Variants in WWC2 observed in about 807,000 individuals in gnomAD.
WWC2 encodes the protein WW and C2 domain containing 2.
Under a neutral mutation model 138.5 loss-of-function variants are expected in WWC2, and 101 were observed. The ratio of observed to expected loss-of-function variants is 0.73; its 90% CI spans 0.62 to 0.86. The LOEUF (loss-of-function observed/expected upper bound fraction) is 0.86. Ranked by LOEUF, WWC2 falls within the 40% of genes least tolerant of loss-of-function variation. The probability of loss-of-function intolerance (pLI) is 0.00; values close to 1 mark genes in which losing one functional copy is unlikely to be tolerated. For missense variants in WWC2, 1,420 were observed against 1,419.4 expected (o/e 1.00, Z -0.01); for synonymous variants, 558 against 538.4 (o/e 1.04, Z -0.50).
In WWC2 at chr4:183,320,506, G is replaced by A. The variant is rs1220592680; in HGVS notation, c.*4777G>A. 2.4e-6 allele frequency: 1 copy of A among 414,096 alleles called. No homozygotes were observed. The highest frequency in any genetic ancestry group is 4.2e-5 in the Admixed American group (1 of 24,002). The allele number at this position is 414,096 out of a possible 1,614,324, so 25.7% of individuals were successfully genotyped here. On this transcript the variant is annotated 3_prime_UTR_variant, in exon 23 of 23. Transcript: ENST00000403733. ...CAGTTTGTCACTGAAATATAATTAA[G>A]TGATAATCTCCTTTCATTGTCAAGG... is the stretch of plus-strand genomic sequence containing the variant.
At chr4:183,246,515 G>T (rs1203081256) in intron 6 of WWC2, among the ~76,000 whole-genome samples, 1 of 152,052 alleles carries the variant, frequency 6.6e-6, no homozygotes, top group East Asian at 1.9e-4. Flanking sequence ...AAATAATATA[G>T]AAAAGACAAA....
intron 10 of WWC2, among the ~76,000 whole-genome samples, chr4:183,260,376 G>C (rs1737285233): frequency 6.6e-6 from 1 of 152,204 alleles, no homozygotes; most frequent in Admixed American, 6.5e-5. Flanking sequence ...TATTTGGAGA[G>C]CAAGGCTGAA....
chr4:183,108,666 A>G (rs1732124415), intron 1 of WWC2, among the ~76,000 whole-genome samples: 1 of 151,698 alleles, frequency 6.6e-6, no homozygotes, highest in South Asian at 2.1e-4. Flanking sequence ...GCTGGAGTGC[A>G]GTGTTGTGAT....
Position 183,261,313 on chromosome 4 carries a change from T to C in WWC2, c.1690T>C (p.Leu564=). Residue 564 remains leucine, a synonymous_variant, in exon 11 of 23, where the codon TTG becomes CTG. Transcript: ENST00000403733. ...SLSPPGSPLV[L]EGTFPMSSSH... ...GTCTCCTCCAGGCTCTCCCTTGGTT[T>C]TGGAAGGCACGTTTCCCATGTCTTC... The C allele has an allele frequency of 2.5e-6, 4 of 1,613,638 alleles. No homozygotes were observed. Among genetic ancestry groups the C allele is most frequent in the Non-Finnish European group, 3.4e-6 (4 of 1,179,780 alleles).
chr4:183,187,262 C>T (rs965411484), intron 1 of WWC2, among the ~76,000 whole-genome samples: 5 of 151,960 alleles, frequency 3.3e-5, no homozygotes, highest in South Asian at 2.1e-4. Flanking sequence ...CTGTAAAAAA[C>T]GGGAATAGGG....
intron 1 of WWC2, among the ~76,000 whole-genome samples, chr4:183,116,095 A>G (rs1353587774): frequency 6.6e-6 from 1 of 152,180 alleles, no homozygotes; most frequent in Admixed American, 6.5e-5. Context: ...TTGAATAGGA[A>G]GTACTCTCCC....
At chr4:183,292,062 G>A (rs1304167614) in intron 21 of WWC2, among the ~76,000 whole-genome samples, 3 of 151,616 alleles carry the variant, frequency 2.0e-5, no homozygotes, top group African/African-American at 7.3e-5. Flanking sequence ...TAGGCATGGT[G>A]GCATGCACCT....
rs1481192396 is a variant in WWC2, at chr4:183,253,780, T to C, written c.977T>C (p.Leu326Pro). 2 of 1,610,232 alleles carry C rather than the reference T, an allele frequency of 1.2e-6. No individual in the cohort carries two copies. Among genetic ancestry groups the C allele is most frequent in the Non-Finnish European group, 8.5e-7 (1 of 1,178,992 alleles). Residue 326 changes from leucine (L) to proline (P), a missense_variant, in exon 9 of 23, where the codon CTG (leucine) becomes CCG (proline). By Grantham distance (98) the Leu-to-Pro change is moderately conservative (BLOSUM62 -3). Coordinates refer to ENST00000403733, the MANE Select transcript of WWC2 (RefSeq NM_024949.6). ...KRSMANLKIE[L>P]SKLDSEAWPG... The stretch of plus-strand genomic sequence containing the variant: ...AGTATGGCCAACTTAAAAATTGAAC[T>C]GTCAAAATTGGACAGTGAGGCCTGG...
chr4:183,256,686 C>G (rs1196225747), intron 9 of WWC2, among the ~76,000 whole-genome samples: 2 of 152,036 alleles, frequency 1.3e-5, no homozygotes, highest in African/African-American at 4.8e-5. Flanking sequence ...ACCCCAAATC[C>G]TTCCTTTTCT....
rs770912876 is a variant in WWC2 at position 183,228,617 on chromosome 4, TAAC to T, written c.523-11560_523-11558del. Among the ~76,000 whole-genome samples the T allele has an allele frequency of 3.9e-5, 6 of 152,178 alleles. No individual in the cohort carries two copies. In the East Asian group the frequency reaches 5.8e-4, roughly 15 times the overall value. On this transcript the variant is annotated intron_variant, in intron 4 of 22. Coordinates refer to ENST00000403733, the MANE Select transcript of WWC2 (RefSeq NM_024949.6). The stretch of plus-strand genomic sequence containing the variant: ...ATTTGTTAGAAATTCATTTAAAAAA[TAAC>T]AACAAAGCTGTTTCCCACCTTTCAG...
intron 9 of WWC2, among the ~76,000 whole-genome samples, chr4:183,259,050 C>T (rs772268697): frequency 6.6e-6 from 1 of 152,084 alleles, no homozygotes; most frequent in Admixed American, 6.5e-5. Context: ...TGCTGTAGCT[C>T]GGAAGGGGAA....
intron 1 of WWC2, among the ~76,000 whole-genome samples, chr4:183,181,757 C>T (rs927226626): frequency 6.6e-6 from 1 of 152,092 alleles, no homozygotes; most frequent in African/African-American, 2.4e-5. Flanking sequence ...GGAGTTAGCA[C>T]CTCTAACCCC....
intron 4 of WWC2, among the ~76,000 whole-genome samples, chr4:183,229,202 G>A (rs1321746736): frequency 6.6e-6 from 1 of 152,016 alleles, no homozygotes; most frequent in East Asian, 1.9e-4. Flanking sequence ...TTTACTTTCA[G>A]TGTGTATGTT....
At chr4:183,099,694 G>C in intron 1 of WWC2, 72 bp downstream of exon 1, 1 of 1,166,266 alleles carries the variant, frequency 8.6e-7, no homozygotes, top group Non-Finnish European at 1.1e-6. Flanking sequence ...CGGCCGCGCG[G>C]GGGGCTGGGG....
Position 183,200,245 on chromosome 4 carries a change from G to A in WWC2, c.241+6537G>A, listed in dbSNP as rs529972628. 2.6e-5 allele frequency among the ~76,000 whole-genome samples: 4 copies of A among 151,898 alleles called. No homozygotes were observed. In the South Asian group the frequency reaches 6.2e-4, roughly 24 times the overall value. ...TCATTTAAGTGTCAGTCAGTGTTTC[G>A]TGGCATTTTAGCCAGTGACAAGTAT... is the stretch of plus-strand genomic sequence containing the variant. On this transcript the variant is annotated intron_variant, in intron 2 of 22. Coordinates refer to ENST00000403733, the MANE Select transcript of WWC2 (RefSeq NM_024949.6).
chr4:183,216,651 T>C (rs996547420), intron 4 of WWC2, among the ~76,000 whole-genome samples: 2 of 152,192 alleles, frequency 1.3e-5, no homozygotes, highest in Admixed American at 6.5e-5. Context: ...AGCCCTGGGA[T>C]TGCACTGTTT....
intron 14 of WWC2, 59 bp from the exon 15 acceptor site, chr4:183,268,912 C>T: frequency 1.4e-6 from 2 of 1,452,660 alleles, no homozygotes; most frequent in African/African-American, 1.4e-5. Flanking sequence ...CAAATGATAG[C>T]TGTGAATCTG....
At chr4:183,164,946 A>G (rs1375152834) in intron 1 of WWC2, among the ~76,000 whole-genome samples, 1 of 152,216 alleles carries the variant, frequency 6.6e-6, no homozygotes, top group Non-Finnish European at 1.5e-5. Flanking sequence ...GATAACTAAT[A>G]ATAACTAATA....
At chr4:183,277,123 C>T (rs930887095) in intron 16 of WWC2, among the ~76,000 whole-genome samples, 1 of 145,436 alleles carries the variant, frequency 6.9e-6, no homozygotes, top group Non-Finnish European at 1.5e-5. Flanking sequence ...AATGCTATCC[C>T]TCCTCCCTCC....
Sources: allele counts gnomAD v4.1 joint callset (sites outside exome capture counted in the v4.1 genomes callset), GRCh38; gene constraint gnomAD v4.1.1; transcripts MANE v1.5; gene names NCBI Gene and HGNC (gene_info 2026-07-23, HGNC 2026-07-21).